Variants in SLCO1A2 observed in about 807,000 individuals in gnomAD.
The protein encoded by SLCO1A2 is OATP-1.
Under a neutral mutation model 69.0 loss-of-function variants are expected in SLCO1A2, and 67 were observed. That is an observed-to-expected ratio of 0.97 (90% CI 0.80 to 1.19). The LOEUF (loss-of-function observed/expected upper bound fraction) is 1.19, where lower values mean the gene tolerates loss of function less well. SLCO1A2 is among the 50% of genes most tolerant of loss of function. The pLI is 0.00. For synonymous variants in SLCO1A2, 260 were observed against 265.9 expected (o/e 0.98, Z 0.22); for missense variants, 787 against 793.7 (o/e 0.99, Z 0.10).
At chr12:21,275,924 A>G (rs1427422928) in intron 12 of SLCO1A2, among the ~76,000 whole-genome samples, 2 of 151,788 alleles carry the variant, frequency 1.3e-5, no homozygotes, top group Non-Finnish European at 2.9e-5. Context: ...CCTGGGTGAT[A>G]GAGCTACACT....
chr12:21,361,154 C>A (rs1938834852), intron 2 of SLCO1A2, among the ~76,000 whole-genome samples: 6 of 134,700 alleles, frequency 4.5e-5, no homozygotes, highest in Admixed American at 2.8e-4. Context: ...CCGACAGACA[C>A]CTCATACGGG....
At chr12:21,413,538 A>C (rs1297010443) in intron 1 of SLCO1A2, among the ~76,000 whole-genome samples, 2 of 152,130 alleles carry the variant, frequency 1.3e-5, no homozygotes, top group Non-Finnish European at 1.5e-5. Flanking sequence ...ACAATCCCAC[A>C]GACAGGTCTG....
chr12:21,338,689 TTCTTATTTTCCTTTTA>T (rs1952968592), upstream of SLCO1A2, among the ~76,000 whole-genome samples: 1 of 151,966 alleles, frequency 6.6e-6, no homozygotes, highest in Admixed American at 6.6e-5. Context: ...ATTATCCCAA[TTCTTATTTTCCTTTTA>T]TCTGCGTAGA....
intron 5 of SLCO1A2, among the ~76,000 whole-genome samples, chr12:21,305,167 T>C (rs989299568): frequency 1.3e-5 from 2 of 152,180 alleles, no homozygotes; most frequent in African/African-American, 4.8e-5. Context: ...CAAATAACTT[T>C]CAATACAGAA....
chr12:21,417,288 A>G (rs1472549852), intron 1 of SLCO1A2, among the ~76,000 whole-genome samples: 1 of 152,074 alleles, frequency 6.6e-6, no homozygotes, highest in Admixed American at 6.6e-5. Flanking sequence ...ATAATTATAT[A>G]AACATTGAAT....
At chr12:21,279,208 T>A (rs1051598143) in intron 12 of SLCO1A2, among the ~76,000 whole-genome samples, 256 of 152,024 alleles carry the variant, frequency 1.7e-3, no homozygotes, top group African/African-American at 6.0e-3. Flanking sequence ...ACCTACACGA[T>A]CTACAAAATA....
chr12:21,351,580 A>G (rs1026028989), intron 2 of SLCO1A2, among the ~76,000 whole-genome samples: 43 of 152,048 alleles, frequency 2.8e-4, no homozygotes, highest in Admixed American at 3.3e-4. Context: ...GTTCGAGACA[A>G]GCCTGGCCAA....
At chr12:21,353,032 A>G (rs1050099313) in intron 2 of SLCO1A2, among the ~76,000 whole-genome samples, 2 of 152,196 alleles carry the variant, frequency 1.3e-5, no homozygotes, top group Admixed American at 6.5e-5. Flanking sequence ...AAATAACAGA[A>G]TATTCCCCCT....
chr12:21,344,553 C>T (rs1953191431), intron 2 of SLCO1A2, among the ~76,000 whole-genome samples: 1 of 151,990 alleles, frequency 6.6e-6, no homozygotes, highest in Non-Finnish European at 1.5e-5. Flanking sequence ...GAGACTGGCT[C>T]ACATGTTAGA....
chr12:21,373,535 C>A (rs2137094102), intron 2 of SLCO1A2: 1 of 815,094 alleles, frequency 1.2e-6, no homozygotes, highest in Non-Finnish European at 2.1e-6. Flanking sequence ...CTGACTATAT[C>A]ATACTTAAGA....
At chr12:21,340,095 T>C (rs978050403) in intron 2 of SLCO1A2, among the ~76,000 whole-genome samples, 2 of 151,976 alleles carry the variant, frequency 1.3e-5, no homozygotes, top group African/African-American at 4.8e-5. Flanking sequence ...TTCAGGAGAT[T>C]TACAATGTGC....
chr12:21,383,078 T>C (rs1182115827), intron 1 of SLCO1A2, among the ~76,000 whole-genome samples: 1 of 152,190 alleles, frequency 6.6e-6, no homozygotes, highest in Non-Finnish European at 1.5e-5. Flanking sequence ...GTTATTCACT[T>C]TGTCTGATAT....
intron 5 of SLCO1A2, among the ~76,000 whole-genome samples, chr12:21,305,128 C>T (rs1015608300): frequency 5.3e-5 from 8 of 152,166 alleles, no homozygotes; most frequent in African/African-American, 1.9e-4. Flanking sequence ...CATAGGTTCT[C>T]TATAGAGCAT....
chr12:21,383,231 C>T (rs999196342), intron 1 of SLCO1A2, among the ~76,000 whole-genome samples: 1 of 152,176 alleles, frequency 6.6e-6, no homozygotes. Flanking sequence ...TTGCTGGTAG[C>T]ACATCTTTTT....
At chr12:21,413,689 A>G (rs1020198904) in intron 1 of SLCO1A2, among the ~76,000 whole-genome samples, 1 of 152,164 alleles carries the variant, frequency 6.6e-6, no homozygotes, top group Admixed American at 6.5e-5. Context: ...AAACATGGTC[A>G]TCAGGAGCCT....
chr12:21,351,910 C>A (rs1231692421), intron 2 of SLCO1A2, among the ~76,000 whole-genome samples: 2 of 152,162 alleles, frequency 1.3e-5, no homozygotes, highest in African/African-American at 2.4e-5. Context: ...ACTACACAAG[C>A]TCACCAACAT....
intron 2 of SLCO1A2, among the ~76,000 whole-genome samples, chr12:21,324,403 G>A (rs567832104): frequency 5.9e-5 from 9 of 152,278 alleles, no homozygotes; most frequent in African/African-American, 1.7e-4. Context: ...TTTGCATAAA[G>A]TGCAGCAAGA....
chr12:21,402,649 G>A (rs572525257), intron 1 of SLCO1A2, among the ~76,000 whole-genome samples: 4 of 152,024 alleles, frequency 2.6e-5, no homozygotes, highest in South Asian at 4.1e-4. Context: ...GACTAACCAT[G>A]ATTTAGATAT....
intron 2 of SLCO1A2, chr12:21,324,758 TTGCCATTCACA>T (rs1349461987): frequency 6.6e-6 from 1 of 152,182 alleles, no homozygotes; most frequent in Non-Finnish European, 1.5e-5. Context: ...TCACCTTGAA[TTGCCATTCACA>T]TGCTAAGCAG....
Sources: gnomAD v4.1 joint callset for allele counts (sites outside exome capture counted in the v4.1 genomes callset) on GRCh38, gnomAD v4.1.1 for gene constraint, MANE v1.5 for transcripts, NCBI Gene and HGNC (gene_info 2026-07-23, HGNC 2026-07-21) for gene names.